The following RBFOX1 variants were observed in gnomAD, a reference collection of about 807,000 sequenced individuals.
The protein encoded by RBFOX1 is RNA binding protein fox-1 homolog 1.
A neutral mutation model predicts 57.7 loss-of-function variants in RBFOX1; 8 were observed. The observed-to-expected ratio is 0.14, with a 90% CI of 0.08 to 0.25. RBFOX1 has a LOEUF of 0.25. Ranked by LOEUF, RBFOX1 falls within the 10% of genes least tolerant of loss-of-function variation. RBFOX1 has a pLI of 1.00. For missense variants in RBFOX1, 611 were observed against 548.5 expected (o/e 1.11, Z -1.14); for synonymous variants, 326 against 222.4 (o/e 1.47, Z -4.15).
intron 2 of RBFOX1, among the ~76,000 whole-genome samples, chr16:6,598,203 T>A (rs1036994505): frequency 6.6e-5 from 10 of 152,256 alleles, no homozygotes; most frequent in African/African-American, 2.4e-4. Flanking sequence ...TAGGGTTTTT[T>A]AAATGTGATC....
chr16:6,022,508 C>A (rs1596453841), intron 1 of RBFOX1, among the ~76,000 whole-genome samples: 1 of 152,174 alleles, frequency 6.6e-6, no homozygotes, highest in East Asian at 1.9e-4. Flanking sequence ...TAGCAAAACC[C>A]TGTCTGTACT....
At chr16:7,420,538 C>G (rs2098530483) in intron 4 of RBFOX1, among the ~76,000 whole-genome samples, 1 of 152,142 alleles carries the variant, frequency 6.6e-6, no homozygotes, top group South Asian at 2.1e-4. Flanking sequence ...CAGGCCTTTT[C>G]TGCAAGAGCT....
intron 3 of RBFOX1, among the ~76,000 whole-genome samples, chr16:6,995,007 G>A (rs755527583): frequency 2.0e-4 from 30 of 149,844 alleles, no homozygotes; most frequent in Non-Finnish European, 3.8e-4. Context: ...GTTTGCATAC[G>A]TGTGTATATG....
At chr16:6,858,188 G>T (rs949021819) in intron 3 of RBFOX1, among the ~76,000 whole-genome samples, 3 of 152,188 alleles carry the variant, frequency 2.0e-5, no homozygotes, top group Non-Finnish European at 2.9e-5. Flanking sequence ...ACTCATAAGT[G>T]TCCTTTTCAA....
At chr16:6,526,852 AAAAAAAAC>A (rs1218632499) in intron 2 of RBFOX1, among the ~76,000 whole-genome samples, 2 of 140,002 alleles carry the variant, frequency 1.4e-5, no homozygotes, top group African/African-American at 6.3e-5. Flanking sequence ...AAAAAAAAAA[AAAAAAAAC>A]AACCAGAAAA....
At chr16:6,539,926 T>A (rs933115176) in intron 2 of RBFOX1, among the ~76,000 whole-genome samples, 1 of 152,116 alleles carries the variant, frequency 6.6e-6, no homozygotes, top group African/African-American at 2.4e-5. Flanking sequence ...GCAAGGTAAC[T>A]TTAAATGGTT....
At chr16:5,929,992 C>A (rs571454069) in intron 4 of RBFOX1, among the ~76,000 whole-genome samples, 1 of 151,456 alleles carries the variant, frequency 6.6e-6, no homozygotes, top group African/African-American at 2.4e-5. Flanking sequence ...GGATGCACTA[C>A]GAAGCAGGTG....
intron 14 of RBFOX1, among the ~76,000 whole-genome samples, chr16:7,683,676 T>A (rs1265069820): frequency 1.3e-5 from 2 of 152,072 alleles, no homozygotes; most frequent in African/African-American, 4.8e-5. Flanking sequence ...ATCATTGACT[T>A]GATAGGCCAC....
At chr16:6,586,273 C>G (rs892222458) in intron 2 of RBFOX1, among the ~76,000 whole-genome samples, 2 of 152,188 alleles carry the variant, frequency 1.3e-5, no homozygotes, top group Non-Finnish European at 2.9e-5. Flanking sequence ...AACCACTCGT[C>G]TTACAACCTC....
At chr16:7,084,559 A>G (rs1567198386) in intron 4 of RBFOX1, among the ~76,000 whole-genome samples, 1 of 152,206 alleles carries the variant, frequency 6.6e-6, no homozygotes, top group African/African-American at 2.4e-5. Flanking sequence ...GGGAATGTCA[A>G]GGTGCTGCCT....
At chr16:6,794,931 G>C (rs1277584359) in intron 3 of RBFOX1, among the ~76,000 whole-genome samples, 1 of 152,104 alleles carries the variant, frequency 6.6e-6, no homozygotes, top group Non-Finnish European at 1.5e-5. Flanking sequence ...AGCAAACTGA[G>C]ACCTCAAATA....
chr16:7,306,020 G>C (rs370340144), intron 4 of RBFOX1, among the ~76,000 whole-genome samples: 11 of 152,212 alleles, frequency 7.2e-5, no homozygotes, highest in African/African-American at 2.6e-4. Flanking sequence ...GCCTCAGTTG[G>C]ATTTATCAAA....
chr16:6,891,972 A>G (rs2065541221), intron 3 of RBFOX1, among the ~76,000 whole-genome samples: 2 of 152,154 alleles, frequency 1.3e-5, no homozygotes, highest in African/African-American at 4.8e-5. Context: ...TAACATTTGC[A>G]TTTTGATCCT....
chr16:7,578,680 T>C (rs1451658485), intron 5 of RBFOX1, among the ~76,000 whole-genome samples: 2 of 152,242 alleles, frequency 1.3e-5, no homozygotes, highest in Non-Finnish European at 2.9e-5. Context: ...ACTCATAAAT[T>C]TGATAGGCTT....
chr16:7,474,063 C>T (rs1034156578), intron 4 of RBFOX1, among the ~76,000 whole-genome samples: 2 of 151,996 alleles, frequency 1.3e-5, no homozygotes, highest in African/African-American at 2.4e-5. Context: ...CTGAGGAGGG[C>T]GGATCACGAG....
At chr16:6,390,554 GA>G (rs59929765) in intron 2 of RBFOX1, among the ~76,000 whole-genome samples, 106 of 145,744 alleles carry the variant, frequency 7.3e-4, no homozygotes, top group Non-Finnish European at 1.1e-3. Context: ...GAGGGAGTGA[GA>G]AAAAAAAAAG....
chr16:6,157,841 G>T (rs12930756), intron 1 of RBFOX1, among the ~76,000 whole-genome samples: 25,920 of 152,104 alleles, frequency 0.17, 2,385 homozygotes, highest in Admixed American at 0.27. Context: ...TTAGACTTAT[G>T]TCCTATCATC....
At chr16:7,289,130 A>G (rs2095709366) in intron 4 of RBFOX1, among the ~76,000 whole-genome samples, 1 of 152,190 alleles carries the variant, frequency 6.6e-6, no homozygotes. Context: ...GCCTCCTTAG[A>G]GATGTCTGTG....
chr16:7,528,467 C>G (rs548981326), intron 5 of RBFOX1, among the ~76,000 whole-genome samples: 14 of 152,150 alleles, frequency 9.2e-5, no homozygotes, highest in Non-Finnish European at 1.9e-4. Flanking sequence ...CCCCATTAAG[C>G]AATTTTATTT....
Sources: allele counts gnomAD v4.1 joint callset (sites outside exome capture counted in the v4.1 genomes callset), GRCh38; gene constraint gnomAD v4.1.1; transcripts MANE v1.5; gene names NCBI Gene and HGNC (gene_info 2026-07-23, HGNC 2026-07-21).